The following QTMAN variants were observed in gnomAD, a reference collection of about 807,000 sequenced individuals.
QTMAN encodes tRNA-queuosine alpha-mannosyltransferase.
the QTMAN span, among the ~76,000 whole-genome samples, chr2:144,192,591 T>C: frequency 4.6e-5 from 7 of 152,292 alleles, 1 homozygote; most frequent in East Asian, 9.6e-4. Flanking sequence ...TCCAAGACTT[T>C]TGAAAGAAAT....
At chr2:144,127,114 A>T in the QTMAN span, among the ~76,000 whole-genome samples, 1 of 152,000 alleles carries the variant, frequency 6.6e-6, no homozygotes, top group East Asian at 1.9e-4. Context: ...CCGCACATTC[A>T]GGACATATAA....
the QTMAN span, among the ~76,000 whole-genome samples, chr2:144,307,598 T>C: frequency 1.3e-5 from 2 of 152,350 alleles, no homozygotes; most frequent in Admixed American, 1.3e-4. Context: ...GAGAGCATCC[T>C]GAGGAATTCA....
the QTMAN span, among the ~76,000 whole-genome samples, chr2:143,985,542 T>G: frequency 2.6e-5 from 4 of 152,196 alleles, no homozygotes; most frequent in Non-Finnish European, 4.4e-5. Context: ...CCCATATAAA[T>G]CTTAAAATAA....
the QTMAN span, among the ~76,000 whole-genome samples, chr2:144,100,963 G>T: frequency 1.3e-4 from 19 of 141,448 alleles, no homozygotes; most frequent in African/African-American, 5.0e-4. Flanking sequence ...TCCGCCTCCC[G>T]GGTTGATGCC....
the QTMAN span, among the ~76,000 whole-genome samples, chr2:144,141,308 A>T: frequency 1.3e-5 from 2 of 152,038 alleles, no homozygotes; most frequent in East Asian, 3.9e-4. Flanking sequence ...AGGTGGGCCC[A>T]GCAGCAAGGG....
chr2:143,940,587 G>A, the QTMAN span: 1 of 152,140 alleles, frequency 6.6e-6, no homozygotes, highest in Non-Finnish European at 1.5e-5. Flanking sequence ...TCCTTTTTAA[G>A]TTATCCCTCC....
At chr2:144,332,904 G>A in the QTMAN span, among the ~76,000 whole-genome samples, 1 of 152,166 alleles carries the variant, frequency 6.6e-6, no homozygotes, top group East Asian at 1.9e-4. Context: ...GAAGGTCTGT[G>A]CTGTTCATTA....
the QTMAN span, among the ~76,000 whole-genome samples, chr2:144,245,499 G>T: frequency 1.8e-4 from 28 of 152,106 alleles, no homozygotes; most frequent in Non-Finnish European, 1.2e-4. Flanking sequence ...TAAAATCAAA[G>T]TTAACATTTT....
At chr2:144,029,161 G>A in the QTMAN span, among the ~76,000 whole-genome samples, 1 of 152,146 alleles carries the variant, frequency 6.6e-6, no homozygotes, top group Non-Finnish European at 1.5e-5. Context: ...GCTAATGAAT[G>A]CATCTCTTAT....
the QTMAN span, among the ~76,000 whole-genome samples, chr2:144,293,662 A>T: frequency 6.6e-6 from 1 of 152,220 alleles, no homozygotes; most frequent in Non-Finnish European, 1.5e-5. Context: ...TGGGGATATC[A>T]TCTCTCCAGG....
the QTMAN span, among the ~76,000 whole-genome samples, chr2:144,095,073 T>C: frequency 6.6e-6 from 1 of 152,180 alleles, no homozygotes; most frequent in African/African-American, 2.4e-5. Context: ...TAAACTCCTT[T>C]TTAAAAGCCC....
the QTMAN span, among the ~76,000 whole-genome samples, chr2:143,987,310 C>G: frequency 6.6e-6 from 1 of 152,218 alleles, no homozygotes; most frequent in Non-Finnish European, 1.5e-5. Context: ...AACATAAAGA[C>G]AAACACTATT....
the QTMAN span, chr2:143,944,239 G>GTGCA: frequency 6.7e-6 from 1 of 148,824 alleles, no homozygotes; most frequent in Non-Finnish European, 1.5e-5. Context: ...ATGTGCGTGT[G>GTGCA]CACACACACA....
At chr2:144,132,285 G>T in the QTMAN span, among the ~76,000 whole-genome samples, 2 of 151,958 alleles carry the variant, frequency 1.3e-5, no homozygotes, top group Non-Finnish European at 2.9e-5. Context: ...TATTTTAAAA[G>T]AATTTTCTAC....
chr2:144,172,997 CT>C, the QTMAN span, among the ~76,000 whole-genome samples: 2 of 151,876 alleles, frequency 1.3e-5, no homozygotes, highest in Non-Finnish European at 2.9e-5. Flanking sequence ...CCCCATTTTA[CT>C]TTTGTTTTTG....
At chr2:144,160,533 A>G in the QTMAN span, among the ~76,000 whole-genome samples, 1 of 152,164 alleles carries the variant, frequency 6.6e-6, no homozygotes, top group South Asian at 2.1e-4. Context: ...CTTTTGGTAT[A>G]GAAGTCACTT....
At chr2:144,034,432 C>G in the QTMAN span, among the ~76,000 whole-genome samples, 2 of 152,152 alleles carry the variant, frequency 1.3e-5, no homozygotes, top group African/African-American at 2.4e-5. Context: ...ACTGCAACAC[C>G]TAGCACTAAT....
chr2:144,098,385 T>C, the QTMAN span, among the ~76,000 whole-genome samples: 1 of 152,310 alleles, frequency 6.6e-6, no homozygotes, highest in East Asian at 1.9e-4. Flanking sequence ...AATCTAACCA[T>C]ACATTTGCCA....
the QTMAN span, among the ~76,000 whole-genome samples, chr2:144,022,431 A>G: frequency 6.6e-6 from 1 of 151,988 alleles, no homozygotes; most frequent in South Asian, 2.1e-4. Context: ...CTGGGACTGC[A>G]GATTCATGCC....
Sources: gnomAD v4.1 joint callset for allele counts (sites outside exome capture counted in the v4.1 genomes callset) on GRCh38, gnomAD v4.1.1 for gene constraint, MANE v1.5 for transcripts, NCBI Gene and HGNC (gene_info 2026-07-23, HGNC 2026-07-21) for gene names.